CNTNAP3: variants seen among roughly 807,000 people sequenced by gnomAD.
CNTNAP3 encodes the protein contactin associated protein family member 3, also known as contactin-associated protein-like 3.
CNTNAP3 carries 36 observed loss-of-function variants against 92.1 expected under a neutral mutation model. The observed-to-expected ratio is 0.39, with a 90% CI of 0.30 to 0.52. The LOEUF is 0.52. Among genes scored for constraint, CNTNAP3 ranks in the 20% least tolerant of loss-of-function variants. The probability of loss-of-function intolerance (pLI) is 0.76; values close to 1 mark genes in which losing one functional copy is unlikely to be tolerated. For missense variants in CNTNAP3, 534 were observed against 1,069.6 expected, an observed-to-expected ratio of 0.50 and a Z score of 6.98; for synonymous variants, 232 against 422.3, an observed-to-expected ratio of 0.55 and a Z score of 5.53.
chr9:39,127,253 A>G (rs1328638805), intron 13 of CNTNAP3, among the ~76,000 whole-genome samples: 2 of 152,146 alleles, frequency 1.3e-5, no homozygotes, highest in Non-Finnish European at 2.9e-5. Context: ...TGAGAATACA[A>G]CATATCAAAA....
intron 11 of CNTNAP3, among the ~76,000 whole-genome samples, chr9:39,141,156 G>T (rs1821565887): frequency 6.6e-6 from 1 of 152,154 alleles, no homozygotes; most frequent in Non-Finnish European, 1.5e-5. Flanking sequence ...GCGTGCTATT[G>T]AAACATGGTT....
intron 20 of CNTNAP3, chr9:39,086,063 C>T (rs1450687449): frequency 3.4e-6 from 2 of 580,814 alleles, no homozygotes; most frequent in Non-Finnish European, 6.2e-6. Flanking sequence ...TGGCTTTACT[C>T]TTCTTCATAA....
rs896725221 is a variant in CNTNAP3, at chr9:39,086,994, T to C, written c.3221-145A>G. ...AATTTAGATGCACCCAATAGTTATC[T>C]TTCCCGGAACAGTGATTACTTAAGT... On this transcript the variant is annotated intron_variant, in intron 19 of 23. Coordinates refer to ENST00000297668, the MANE Select transcript of CNTNAP3 (RefSeq NM_033655.5). 3.0e-6 allele frequency: 3 copies of C among 999,846 alleles called. No individual in the cohort carries two copies. In the Admixed American group the frequency reaches 8.5e-5, roughly 28 times the overall value. The allele number at this position is 999,846 out of a possible 1,614,324, so 61.9% of individuals were successfully genotyped here. A position where few individuals can be genotyped will look rare whatever the true frequency, so the allele number is the denominator to read the frequency against.
At chr9:39,137,900 C>G (rs1821481704) in intron 12 of CNTNAP3, among the ~76,000 whole-genome samples, 1 of 151,796 alleles carries the variant, frequency 6.6e-6, no homozygotes, top group Non-Finnish European at 1.5e-5. Flanking sequence ...TTCTCTGTTG[C>G]CCAGGCTAGA....
chr9:39,097,890 A>T (rs546057855), intron 18 of CNTNAP3, among the ~76,000 whole-genome samples: 4 of 151,034 alleles, frequency 2.6e-5, no homozygotes, highest in South Asian at 2.1e-4. Flanking sequence ...TAAAATAATA[A>T]TTTTTACTAG....
At chr9:39,099,531 CAG>C (rs1826404100) in intron 18 of CNTNAP3, among the ~76,000 whole-genome samples, 1 of 152,086 alleles carries the variant, frequency 6.6e-6, no homozygotes, top group Admixed American at 6.5e-5. Context: ...GCCTGGGCAA[CAG>C]AGAGGCTTGA....
At chr9:39,112,507 A>G (rs1392080366) in intron 14 of CNTNAP3, among the ~76,000 whole-genome samples, 1 of 152,136 alleles carries the variant, frequency 6.6e-6, no homozygotes, top group African/African-American at 2.4e-5. Flanking sequence ...CTGGGATTAC[A>G]GGCGTGCGCC....
intron 13 of CNTNAP3, among the ~76,000 whole-genome samples, chr9:39,128,125 C>A (rs1821191694): frequency 6.6e-6 from 1 of 152,126 alleles, no homozygotes; most frequent in Non-Finnish European, 1.5e-5. Flanking sequence ...AGGCGTGAGC[C>A]ACCCTGCCGG....
At chr9:39,120,094 G>A (rs917490723) in intron 13 of CNTNAP3, among the ~76,000 whole-genome samples, 9 of 152,068 alleles carry the variant, frequency 5.9e-5, no homozygotes, top group Non-Finnish European at 1.2e-4. Context: ...AGAGATTTAG[G>A]AAGTAAAGTT....
At chr9:39,130,612 C>G (rs1321724673) in intron 13 of CNTNAP3, among the ~76,000 whole-genome samples, 1 of 150,452 alleles carries the variant, frequency 6.6e-6, no homozygotes, top group Non-Finnish European at 1.5e-5. Context: ...TCACGCCATT[C>G]TCCTGCCTCA....
At position 39,067,396 on chromosome 9, in the gene CNTNAP3, G is replaced by A. The variant is rs1398364257; in HGVS notation, c.*6494C>T. Among the ~76,000 whole-genome samples, 2 of 152,240 alleles carry A rather than the reference G, an allele frequency of 1.3e-5. No homozygotes were observed. The highest frequency in any genetic ancestry group is 4.2e-4 in the South Asian group (2 of 4,792). Reference sequence around the variant, plus strand: ...ATACCAGACATTGTGATTTTACCTCGTTGGGTGTTGGATTTTTTTTTGATG... The same window carrying A: ...ATACCAGACATTGTGATTTTACCTCATTGGGTGTTGGATTTTTTTTTGATG... On this transcript the variant is annotated 3_prime_UTR_variant, in exon 24 of 24. Transcript: ENST00000297668.
At chr9:39,111,253 A>G (rs1361688533) in intron 14 of CNTNAP3, among the ~76,000 whole-genome samples, 1 of 152,170 alleles carries the variant, frequency 6.6e-6, no homozygotes, top group Non-Finnish European at 1.5e-5. Flanking sequence ...CTCTAGTTCT[A>G]TCAAATACTA....
chr9:39,116,138 A>G, intron 14 of CNTNAP3, among the ~76,000 whole-genome samples: 1 of 150,394 alleles, frequency 6.6e-6, no homozygotes, highest in Admixed American at 6.6e-5. Flanking sequence ...GGCGACAGAG[A>G]GAGACTCTGT....
At chr9:39,126,340 G>C (rs1418111180) in intron 13 of CNTNAP3, among the ~76,000 whole-genome samples, 2 of 152,158 alleles carry the variant, frequency 1.3e-5, no homozygotes, top group African/African-American at 2.4e-5. Context: ...ACCAAGCCCA[G>C]ATGATTCACT....
rs990384377 is a variant in CNTNAP3, at chr9:39,089,505, A to T, written c.2996-858T>A. On this transcript the variant is annotated intron_variant, in intron 18 of 23. Coordinates refer to ENST00000297668, the MANE Select transcript of CNTNAP3 (RefSeq NM_033655.5). Reference sequence around the variant, plus strand: ...GTTGTTTCTACTTTTTGACTATTATAAATAATGCTTCCATGAAAATTCACG... The same window carrying T: ...GTTGTTTCTACTTTTTGACTATTATTAATAATGCTTCCATGAAAATTCACG... Among the ~76,000 whole-genome samples the T allele has an allele frequency of 2.8e-4, 42 of 152,166 alleles. 1 individual carries two copies. The highest frequency in any genetic ancestry group is 4.7e-4 in the Non-Finnish European group (32 of 68,024).
intron 17 of CNTNAP3, 92 bp downstream of exon 17, chr9:39,102,405 C>CT: frequency 6.4e-7 from 1 of 1,563,480 alleles, no homozygotes; most frequent in Non-Finnish European, 8.7e-7. Context: ...TTGTTGTTGG[C>CT]AACTGTTGCT....
At chr9:39,117,914 C>G (rs868616564) in intron 14 of CNTNAP3, 189 bp downstream of exon 14, 17 of 1,320,128 alleles carry the variant, frequency 1.3e-5, no homozygotes, top group Non-Finnish European at 1.8e-5. Context: ...TCACAACGAA[C>G]TAGTAAATCT....
chr9:39,124,348 G>A (rs117375705), intron 13 of CNTNAP3, among the ~76,000 whole-genome samples: 5,846 of 152,220 alleles, frequency 0.038, 163 homozygotes, highest in Non-Finnish European at 0.061. Flanking sequence ...AACAAAAAAT[G>A]TGACAGGGGA....
rs183900669 is a variant in CNTNAP3 at position 39,070,086 on chromosome 9, G to A, written c.*3804C>T. On this transcript the variant is annotated 3_prime_UTR_variant, in exon 24 of 24. Transcript: ENST00000297668. ...AAGTATATTTTAATAATCCATTTCTGTTACTTATATTATGGATTCAAGAAT... is the reference window on the plus strand; with the variant it reads ...AAGTATATTTTAATAATCCATTTCTATTACTTATATTATGGATTCAAGAAT... Among the ~76,000 whole-genome samples, 3 of 132,318 alleles carry A rather than the reference G, an allele frequency of 2.3e-5. No homozygotes were observed. In the East Asian group the frequency reaches 7.1e-4, roughly 31 times the overall value. The allele number at this position is 132,318 out of a possible 152,430, so 86.8% of individuals were successfully genotyped here.
Sources: allele counts gnomAD v4.1 joint callset (sites outside exome capture counted in the v4.1 genomes callset), GRCh38; gene constraint gnomAD v4.1.1; transcripts MANE v1.5; gene names NCBI Gene and HGNC (gene_info 2026-07-23, HGNC 2026-07-21).